NDUFS1: variants seen among roughly 807,000 people sequenced by gnomAD.
The protein encoded by NDUFS1 is NADH-ubiquinone oxidoreductase 75 kDa subunit, mitochondrial.
NDUFS1 carries 61 observed loss-of-function variants against 84.4 expected under a neutral mutation model. The observed-to-expected ratio is 0.72, with a 90% CI of 0.59 to 0.89. The LOEUF is 0.89. NDUFS1 is among the 40% of genes least tolerant of loss of function. The probability of loss-of-function intolerance (pLI) is 0.00; values close to 1 mark genes in which losing one functional copy is unlikely to be tolerated. For synonymous variants in NDUFS1, 275 were observed against 290.0 expected (o/e 0.95, Z 0.53); for missense variants, 891 against 890.0 (o/e 1.00, Z -0.01).
chr2:206,149,156 T>C, intron 4 of NDUFS1, 60 bp from the exon 5 acceptor site: 3 of 1,218,100 alleles, frequency 2.5e-6, no homozygotes, highest in Non-Finnish European at 3.6e-6. Context: ...TACAAGCAAC[T>C]CAATATATAA....
intron 13 of NDUFS1, among the ~76,000 whole-genome samples, chr2:206,135,828 A>G (rs540784222): frequency 1.3e-5 from 2 of 152,186 alleles, no homozygotes; most frequent in South Asian, 2.1e-4. Context: ...TTTTTTTTCT[A>G]TTCAAAATAA....
rs1691166999 is a variant in NDUFS1 at position 206,123,542 on chromosome 2, T to C, written c.*643A>G. 1.3e-5 allele frequency: 2 copies of C among 152,208 alleles called. No individual in the cohort carries two copies. The highest frequency in any genetic ancestry group is 2.9e-5 in the Non-Finnish European group (2 of 68,052). 9.4% of individuals were successfully genotyped at this position (152,208 alleles called of 1,614,324 possible). On this transcript the variant is annotated 3_prime_UTR_variant, in exon 19 of 19. Coordinates refer to ENST00000233190, the MANE Select transcript of NDUFS1 (RefSeq NM_005006.7). ...AAGAAGTAGGTTTGAGTTGGTGACT[T>C]TTGCTGTGTGGCCTTGGGCAAGCTA...
At chr2:206,134,494 T>G (rs1691635269) in intron 13 of NDUFS1, among the ~76,000 whole-genome samples, 1 of 151,560 alleles carries the variant, frequency 6.6e-6, no homozygotes, top group Non-Finnish European at 1.5e-5. Context: ...GGCATGGTGG[T>G]GTGCACCTGT....
chr2:206,157,589 T>C (rs955478217), intron 1 of NDUFS1, among the ~76,000 whole-genome samples: 1 of 152,220 alleles, frequency 6.6e-6, no homozygotes, highest in Non-Finnish European at 1.5e-5. Flanking sequence ...CAGTATTTCA[T>C]ACAATTTTAA....
At chr2:206,129,429 AT>A (rs969777777) in intron 15 of NDUFS1, among the ~76,000 whole-genome samples, 5 of 151,840 alleles carry the variant, frequency 3.3e-5, no homozygotes, top group Non-Finnish European at 5.9e-5. Context: ...CGCCTAGCTA[AT>A]TTTTAAATTT....
Position 206,152,372 on chromosome 2 carries a change from T to A in NDUFS1, c.153+47A>T, listed in dbSNP as rs747764220. On this transcript the variant is annotated intron_variant, in intron 3 of 18. Transcript: ENST00000233190. ...TATAAAGGAAATAAATTAGTATTTT[T>A]AAAAAAATCAGAACACACACACAAA... The A allele has an allele frequency of 1.8e-5, 26 of 1,451,520 alleles. No individual in the cohort carries two copies. In the African/African-American group the frequency reaches 2.0e-4, roughly 11 times the overall value. The allele number at this position is 1,451,520 out of a possible 1,614,324, so 89.9% of individuals were successfully genotyped here.
intron 1 of NDUFS1, among the ~76,000 whole-genome samples, chr2:206,154,535 T>G (rs1247222307): frequency 1.3e-5 from 2 of 152,200 alleles, no homozygotes; most frequent in African/African-American, 4.8e-5. Flanking sequence ...GCTTGCTGAA[T>G]TACTGAAATA....
At chr2:206,140,939 T>TACACACACACACACACAC (rs1409794419) in intron 12 of NDUFS1, among the ~76,000 whole-genome samples, 7 of 58,528 alleles carry the variant, frequency 1.2e-4, no homozygotes, top group Non-Finnish European at 1.9e-4. Context: ...TATATATATA[T>TACACACACACACACACAC]ATATACACAC....
Position 206,122,642 on chromosome 2 carries a change from A to AAAAAAAAAAAAAAAAC in NDUFS1, c.*1542_*1543insGTTTTTTTTTTTTTTT, listed in dbSNP as rs1409392850. ...AAGACTCCATCTCAAAAAAAAAAAAAAAACAAAGGGAAAAAGGGCATCCTA... is the reference window on the plus strand; with the variant it reads ...AAGACTCCATCTCAAAAAAAAAAAAAAAAAAAAAAAAAAAACAAACAAAGGGAAAAAGGGCATCCTA... On this transcript the variant is annotated 3_prime_UTR_variant, in exon 19 of 19. Coordinates refer to ENST00000233190, the MANE Select transcript of NDUFS1 (RefSeq NM_005006.7). 11 of 151,464 alleles carry AAAAAAAAAAAAAAAAC rather than the reference A, an allele frequency of 7.3e-5. No homozygotes were observed. Among genetic ancestry groups the AAAAAAAAAAAAAAAAC allele is most frequent in the African/African-American group, 2.7e-4 (11 of 41,052 alleles). The allele number at this position is 151,464 out of a possible 1,614,324, so 9.4% of individuals were successfully genotyped here. A position where few individuals can be genotyped will look rare whatever the true frequency, so the allele number is the denominator to read the frequency against.
chr2:206,136,810 C>T (rs1691735030), intron 13 of NDUFS1, among the ~76,000 whole-genome samples: 1 of 151,410 alleles, frequency 6.6e-6, no homozygotes, highest in Non-Finnish European at 1.5e-5. Flanking sequence ...GGCTGGAGTG[C>T]AATGGTGCAA....
chr2:206,152,703 CTTTT>C (rs71034411), intron 2 of NDUFS1, among the ~76,000 whole-genome samples, 193 bp from the exon 3 acceptor site: 6 of 121,238 alleles, frequency 4.9e-5, no homozygotes, highest in Admixed American at 8.8e-5. Context: ...CTTTCTTCTT[CTTTT>C]TTTTTTTTTT....
intron 4 of NDUFS1, 82 bp downstream of exon 4, chr2:206,149,736 A>C (rs982559906): frequency 2.0e-6 from 2 of 1,003,022 alleles, no homozygotes; most frequent in African/African-American, 3.2e-5. Context: ...CCACTACGAT[A>C]TTGATTCTAA....
chr2:206,139,349 C>T (rs1418044778), intron 12 of NDUFS1, among the ~76,000 whole-genome samples: 2 of 151,962 alleles, frequency 1.3e-5, no homozygotes, highest in East Asian at 3.9e-4. Flanking sequence ...CTACGCCCAG[C>T]TAATTTTTGT....
At chr2:206,138,909 G>A (rs1287176606) in intron 12 of NDUFS1, among the ~76,000 whole-genome samples, 1 of 152,122 alleles carries the variant, frequency 6.6e-6, no homozygotes, top group Non-Finnish European at 1.5e-5. Context: ...TTGAGGTCAG[G>A]AGTTTGAAAC....
In NDUFS1 at chr2:206,133,122, AC is replaced by A. The variant is rs763783344; in HGVS notation, c.1393-18del. ...CTTTAGGACCTATTTAAAAAAAAAA[AC>A]AACTTTGATTTTAAAATATTACAAG... On this transcript the variant is annotated intron_variant, in intron 13 of 18. Transcript: ENST00000233190. 59 of 1,580,810 alleles carry A rather than the reference AC, an allele frequency of 3.7e-5. No homozygotes were observed. The South Asian group carries it at 4.0e-4, about 11-fold the overall frequency.
chr2:206,142,880 G>C (rs1401539289), intron 10 of NDUFS1, 49 bp from the exon 11 acceptor site: 1 of 1,606,640 alleles, frequency 6.2e-7, no homozygotes, highest in Non-Finnish European at 8.5e-7. Context: ...ACGCAGCAAA[G>C]ACCACAATGA....
intron 5 of NDUFS1, among the ~76,000 whole-genome samples, chr2:206,148,704 A>C (rs181749485): frequency 3.6e-4 from 55 of 152,332 alleles, no homozygotes; most frequent in Non-Finnish European, 2.4e-4. Flanking sequence ...ATTCACATTA[A>C]TTCAAAATAA....
In NDUFS1 at chr2:206,117,208, A is replaced by G. The variant is rs1690970315; in HGVS notation, c.*6977T>C. The G allele has an allele frequency of 6.6e-6, 1 of 152,206 alleles. No homozygotes were observed. The highest frequency in any genetic ancestry group is 2.4e-5 in the African/African-American group (1 of 41,428). 9.4% of individuals were successfully genotyped at this position (152,206 alleles called of 1,614,324 possible). ...CCTCAATCAGTCAATCAATCAACCCATCACCCAGTCTGTGATATTCTGTTT... is the reference window on the plus strand; with the variant it reads ...CCTCAATCAGTCAATCAATCAACCCGTCACCCAGTCTGTGATATTCTGTTT... On this transcript the variant is annotated 3_prime_UTR_variant, in exon 19 of 19. Coordinates refer to ENST00000233190, the MANE Select transcript of NDUFS1 (RefSeq NM_005006.7).
At chr2:206,135,742 G>A (rs1691684499) in intron 13 of NDUFS1, among the ~76,000 whole-genome samples, 1 of 152,036 alleles carries the variant, frequency 6.6e-6, no homozygotes, top group Non-Finnish European at 1.5e-5. Flanking sequence ...CCTATCACAT[G>A]GGGATGGGAA....
Sources: gnomAD v4.1 joint callset for allele counts (sites outside exome capture counted in the v4.1 genomes callset) on GRCh38, gnomAD v4.1.1 for gene constraint, MANE v1.5 for transcripts, NCBI Gene and HGNC (gene_info 2026-07-23, HGNC 2026-07-21) for gene names.